The following SLC7A11 variants were observed in gnomAD, a reference collection of about 807,000 sequenced individuals.
SLC7A11 encodes cystine/glutamate transporter.
Under a neutral mutation model 54.5 loss-of-function variants are expected in SLC7A11, and 35 were observed. That is an observed-to-expected ratio of 0.64 (90% CI 0.49 to 0.85). The LOEUF (loss-of-function observed/expected upper bound fraction) is 0.85, where lower values mean the gene tolerates loss of function less well. SLC7A11 is among the 40% of genes least tolerant of loss of function. The pLI is 0.00. For synonymous variants in SLC7A11, 230 were observed against 225.2 expected (o/e 1.02, Z -0.19); for missense variants, 583 against 618.1 (o/e 0.94, Z 0.60).
At chr4:138,184,975 C>G (rs901032912) in intron 7 of SLC7A11, 146 bp downstream of exon 7, 6 of 782,054 alleles carry the variant, frequency 7.7e-6, no homozygotes, top group Non-Finnish European at 1.3e-5. Flanking sequence ...CTAAGGTATG[C>G]TCTAAATTTT....
At chr4:138,214,400 T>C (rs1737629786) in intron 6 of SLC7A11, among the ~76,000 whole-genome samples, 185 bp downstream of exon 6, 2 of 150,926 alleles carry the variant, frequency 1.3e-5, no homozygotes, top group South Asian at 4.1e-4. Context: ...TAATTATAAA[T>C]ATAATTATGT....
intron 3 of SLC7A11, among the ~76,000 whole-genome samples, chr4:138,225,350 G>C (rs889155030): frequency 2.0e-5 from 3 of 151,352 alleles, no homozygotes; most frequent in Non-Finnish European, 4.4e-5. Flanking sequence ...TGAAATACAG[G>C]GTTACTAACG....
chr4:138,223,245 TG>T lies in SLC7A11; in HGVS notation c.599del (p.Thr200LysfsTer4), dbSNP rs1361244987. ...CAGGGACTATAATTATCAGAATTGC[TG>T]TGAGCTTGCAAAAGGTTAAGAAAAT... is the stretch of plus-strand genomic sequence containing the variant. ...IQIFLTFCKL[T>X]AILIIIVPGV... is the part of the protein sequence containing the mutation. On this transcript the variant is annotated frameshift_variant, in exon 4 of 12. Transcript: ENST00000280612. LOFTEE classifies it high-confidence loss of function. The T allele has an allele frequency of 6.2e-7, 1 of 1,613,548 alleles. No homozygotes were observed.
At chr4:138,199,459 G>A (rs766294976) in intron 6 of SLC7A11, among the ~76,000 whole-genome samples, 5 of 151,848 alleles carry the variant, frequency 3.3e-5, no homozygotes, top group Non-Finnish European at 5.9e-5. Context: ...ATGGATCATC[G>A]ACCACAACTA....
intron 10 of SLC7A11, 63 bp downstream of exon 10, chr4:138,180,578 C>CA: frequency 1.3e-6 from 2 of 1,521,122 alleles, no homozygotes; most frequent in Non-Finnish European, 1.8e-6. Context: ...CAAGTTATGA[C>CA]AAAGGGAGGA....
chr4:138,180,436 AGC>A (rs1366486827), intron 10 of SLC7A11, among the ~76,000 whole-genome samples: 7 of 152,228 alleles, frequency 4.6e-5, no homozygotes, highest in Non-Finnish European at 8.8e-5. Flanking sequence ...ACAAAGTTCA[AGC>A]CCATCACATA....
intron 10 of SLC7A11, 124 bp from the exon 11 acceptor site, chr4:138,179,518 C>T (rs762416543): frequency 5.0e-4 from 363 of 732,676 alleles, no homozygotes; most frequent in Non-Finnish European, 7.2e-4. Flanking sequence ...GACCAGGTAA[C>T]AGGCACCAAC....
chr4:138,231,257 T>A (rs1357644826), intron 3 of SLC7A11, among the ~76,000 whole-genome samples: 1 of 152,072 alleles, frequency 6.6e-6, no homozygotes, highest in Non-Finnish European at 1.5e-5. Context: ...TGGGTGATGG[T>A]TACACTAAAA....
chr4:138,236,983 C>CTTTT lies in SLC7A11; in HGVS notation c.278-536_278-533dup, dbSNP rs34896335. ...ATGGACTCTCTGACTTGCAAGATTT[C>CTTTT]TTTTTTTTTTTTTTTTTTTTGAGAC... On this transcript the variant is annotated intron_variant, in intron 1 of 11. Coordinates refer to ENST00000280612, the MANE Select transcript of SLC7A11 (RefSeq NM_014331.4). Among the ~76,000 whole-genome samples the CTTTT allele has an allele frequency of 6.6e-4, 74 of 111,922 alleles. 2 individuals carry two copies. Among genetic ancestry groups the CTTTT allele is most frequent in the Non-Finnish European group, 7.6e-4 (45 of 59,590 alleles). 73.4% of individuals were successfully genotyped at this position (111,922 alleles called of 152,430 possible). A position where few individuals can be genotyped will look rare whatever the true frequency, so the allele number is the denominator to read the frequency against.
chr4:138,232,951 A>G (rs1386996623), intron 2 of SLC7A11, among the ~76,000 whole-genome samples: 1 of 152,098 alleles, frequency 6.6e-6, no homozygotes, highest in African/African-American at 2.4e-5. Context: ...ATTCAGATAT[A>G]AAATATAAAT....
chr4:138,203,559 A>G (rs1165333045), intron 6 of SLC7A11, among the ~76,000 whole-genome samples: 1 of 151,954 alleles, frequency 6.6e-6, no homozygotes, highest in Admixed American at 6.6e-5. Context: ...CAGTGTGGAG[A>G]TTATGGTGCT....
At chr4:138,177,072 A>G (rs1736588725) in intron 11 of SLC7A11, 1 of 152,158 alleles carries the variant, frequency 6.6e-6, no homozygotes, top group Non-Finnish European at 1.5e-5. Context: ...AAATATTAGT[A>G]TAAGATCTAA....
chr4:138,237,153 T>A (rs562513891), intron 1 of SLC7A11, among the ~76,000 whole-genome samples: 139 of 150,742 alleles, frequency 9.2e-4, no homozygotes, highest in African/African-American at 3.2e-3. Context: ...GCCTGGCTAA[T>A]TTTTTTTGTA....
intron 6 of SLC7A11, among the ~76,000 whole-genome samples, chr4:138,201,710 T>C (rs1310077159): frequency 6.6e-6 from 1 of 152,110 alleles, no homozygotes; most frequent in Non-Finnish European, 1.5e-5. Context: ...ATAGTCCCTA[T>C]GGGTGACAAA....
chr4:138,210,864 C>T (rs1431143659), intron 6 of SLC7A11, among the ~76,000 whole-genome samples: 1 of 152,006 alleles, frequency 6.6e-6, no homozygotes, highest in Non-Finnish European at 1.5e-5. Context: ...TATAGCAGAA[C>T]TACTATTTGA....
chr4:138,229,123 T>C (rs1249132680), intron 3 of SLC7A11, among the ~76,000 whole-genome samples: 1 of 152,196 alleles, frequency 6.6e-6, no homozygotes, highest in African/African-American at 2.4e-5. Context: ...AGATTTCAAA[T>C]GACCACGAAC....
intron 6 of SLC7A11, among the ~76,000 whole-genome samples, chr4:138,185,839 T>C (rs1203874365): frequency 6.6e-6 from 1 of 152,160 alleles, no homozygotes; most frequent in Non-Finnish European, 1.5e-5. Context: ...GTGGGATATA[T>C]CTACCTTTCT....
rs989715863 is a variant in SLC7A11, at chr4:138,170,570, C to T, written c.*1386G>A. The T allele has an allele frequency of 3.3e-5, 5 of 151,968 alleles. No individual in the cohort carries two copies. Among genetic ancestry groups the T allele is most frequent in the African/African-American group, 1.2e-4 (5 of 41,356 alleles). The allele number at this position is 151,968 out of a possible 1,614,324, so 9.4% of individuals were successfully genotyped here. On this transcript the variant is annotated 3_prime_UTR_variant, in exon 12 of 12. Transcript: ENST00000280612. Reference sequence around the variant, plus strand: ...ACCTCAGGTGATCCACCCCCTCAGCCTCCCAAAGTGCTGGGATTACAGATG... The same window carrying T: ...ACCTCAGGTGATCCACCCCCTCAGCTTCCCAAAGTGCTGGGATTACAGATG...
chr4:138,225,790 C>T (rs1033298345), intron 3 of SLC7A11, among the ~76,000 whole-genome samples: 1 of 151,762 alleles, frequency 6.6e-6, no homozygotes, highest in Admixed American at 6.6e-5. Flanking sequence ...GCTCCTAAAA[C>T]CCAAAGCACT....
Sources: allele counts gnomAD v4.1 joint callset (sites outside exome capture counted in the v4.1 genomes callset), GRCh38; gene constraint gnomAD v4.1.1; transcripts MANE v1.5; gene names NCBI Gene and HGNC (gene_info 2026-07-23, HGNC 2026-07-21).